The following MEIS3 variants were observed in gnomAD, a reference collection of about 807,000 sequenced individuals.
MEIS3 encodes Meis homeobox 3.
Under a neutral mutation model 51.4 loss-of-function variants are expected in MEIS3, and 38 were observed. That is an observed-to-expected ratio of 0.74 (90% CI 0.57 to 0.97). The LOEUF (loss-of-function observed/expected upper bound fraction) is 0.97. Among genes scored for constraint, MEIS3 ranks in the 50% least tolerant of loss-of-function variants. The probability of loss-of-function intolerance (pLI) is 0.00; values close to 1 mark genes in which losing one functional copy is unlikely to be tolerated. For missense variants in MEIS3, 456 were observed against 502.6 expected (o/e 0.91, Z 0.89); for synonymous variants, 198 against 201.8 (o/e 0.98, Z 0.16).
intron 6 of MEIS3, among the ~76,000 whole-genome samples, chr19:47,411,165 G>A (rs1473828331): frequency 6.6e-6 from 1 of 152,044 alleles, no homozygotes; most frequent in Non-Finnish European, 1.5e-5. Context: ...TCGAACTCCT[G>A]GGCTCAAGTG....
rs963842795 is a variant in MEIS3, at chr19:47,419,093, G to T, written c.-12C>A. 11 of 1,243,456 alleles carry T rather than the reference G, an allele frequency of 8.8e-6. No homozygotes were observed. Among genetic ancestry groups the T allele is most frequent in the Non-Finnish European group, 1.1e-5 (11 of 994,806 alleles). 77.0% of individuals were successfully genotyped at this position (1,243,456 alleles called of 1,614,324 possible). A position where few individuals can be genotyped will look rare whatever the true frequency, so the allele number is the denominator to read the frequency against. On this transcript the variant is annotated 5_prime_UTR_variant, in exon 1 of 13. Coordinates refer to ENST00000558555, the MANE Select transcript of MEIS3 (RefSeq NM_001301059.2). The stretch of plus-strand genomic sequence containing the variant: ...ACCCTCCGGGCCATGGGCTGAGGCC[G>T]GCGGCAGCTCCTGGGTCCCTCCAGA...
In MEIS3 at chr19:47,406,886, ACCCGGAGGCCGGAC is replaced by A; in HGVS notation, c.1066_1078+1del. 6.4e-7 allele frequency: 1 copy of A among 1,567,856 alleles called. No individual in the cohort carries two copies. The highest frequency in any genetic ancestry group is 8.6e-7 in the Non-Finnish European group (1 of 1,159,486). On this transcript the variant is annotated splice_donor_variant and coding_sequence_variant, in exon 11 of 13. Coordinates refer to ENST00000558555, the MANE Select transcript of MEIS3 (RefSeq NM_001301059.2). LOFTEE classifies it high-confidence loss of function. ...GGGCCTAGCTAAGGGGGCGAGGCTT[ACCCGGAGGCCGGAC>A]GGCCACGTGTGGCTGCGTCTCGGTA...
intron 12 of MEIS3, among the ~76,000 whole-genome samples, chr19:47,404,923 G>A (rs937839958): frequency 6.6e-6 from 1 of 152,236 alleles, no homozygotes; most frequent in African/African-American, 2.4e-5. Context: ...CCCAGCACAG[G>A]GCTGGGCACA....
chr19:47,415,527 A>AGC (rs1421158645), intron 4 of MEIS3, among the ~76,000 whole-genome samples: 1 of 148,746 alleles, frequency 6.7e-6, no homozygotes, highest in Non-Finnish European at 1.5e-5. Context: ...GGAGCAAAGG[A>AGC]TGGGAGAAGC....
chr19:47,404,114 G>A (rs1378143602), intron 12 of MEIS3, among the ~76,000 whole-genome samples: 2 of 152,110 alleles, frequency 1.3e-5, no homozygotes, highest in African/African-American at 4.8e-5. Flanking sequence ...TGAGGCCAGA[G>A]GATCGCTTAA....
chr19:47,417,369 A>C lies in MEIS3; in HGVS notation c.13-19T>G, dbSNP rs115826474. 768 of 1,612,944 alleles carry C rather than the reference A, an allele frequency of 4.8e-4. 9 individuals are homozygous for C. The African/African-American group carries it at 9.2e-3, about 19-fold the overall frequency. On this transcript the variant is annotated intron_variant, in intron 1 of 12. Transcript: ENST00000558555. ...CATCATACTGGGGGAAGGTGAGAAG[A>C]GAAGGGCGGAGCCCCAGGGAGGGGT...
upstream of MEIS3, among the ~76,000 whole-genome samples, chr19:47,420,938 A>ACT (rs1282443244): frequency 3.9e-4 from 33 of 83,614 alleles, no homozygotes; most frequent in African/African-American, 7.6e-4. Context: ...ACACACACAC[A>ACT]CACTCTCTCT....
At chr19:47,407,662 G>T in intron 8 of MEIS3, 1 of 1,072,714 alleles carries the variant, frequency 9.3e-7, no homozygotes, top group Non-Finnish European at 1.3e-6. Context: ...AGGTTAACTG[G>T]CCAGCTCTGA....
chr19:47,416,673 G>A lies in MEIS3; in HGVS notation c.375C>T (p.Ser125=). Residue 125 remains serine, a synonymous_variant, in exon 4 of 13, where the codon TCC becomes TCT. Transcript: ENST00000558555. ...TCACCAGATTGTCCAGTTCTGGGTT[G>A]GAGGAGAAGAGGGGCCTCTCAGAGC... ...QVRSERPLFS[S]NPELDNLMIQ... 6.4e-7 allele frequency: 1 copy of A among 1,554,912 alleles called. No individual in the cohort carries two copies. The highest frequency in any genetic ancestry group is 1.2e-5 in the South Asian group (1 of 84,796).
At position 47,419,024 on chromosome 19, in the gene MEIS3, G is replaced by A. The variant is rs547514591; in HGVS notation, c.12+46C>T. 274 of 1,231,080 alleles carry A rather than the reference G, an allele frequency of 2.2e-4. No individual in the cohort carries two copies. In the African/African-American group the frequency reaches 3.9e-3, roughly 17 times the overall value. 76.3% of individuals were successfully genotyped at this position (1,231,080 alleles called of 1,614,324 possible). ...GGAGAGTGGGGGATGCAGGGACAGG[G>A]GGTGCGGAAGCGGCCGGGACGCGGG... On this transcript the variant is annotated intron_variant, in intron 1 of 12. Coordinates refer to ENST00000558555, the MANE Select transcript of MEIS3 (RefSeq NM_001301059.2).
chr19:47,404,722 A>G (rs1225197734), intron 12 of MEIS3, among the ~76,000 whole-genome samples: 2 of 152,036 alleles, frequency 1.3e-5, no homozygotes, highest in African/African-American at 2.4e-5. Context: ...AGCCCTCTCT[A>G]AACACCTCCC....
chr19:47,420,936 A>ACTCTCTCTCT (rs1160473837), upstream of MEIS3, among the ~76,000 whole-genome samples: 11 of 93,982 alleles, frequency 1.2e-4, no homozygotes, highest in African/African-American at 6.0e-4. Flanking sequence ...ACACACACAC[A>ACTCTCTCTCT]CACACTCTCT....
At position 47,413,284 on chromosome 19, in the gene MEIS3, C is replaced by G. The variant is rs560623753; in HGVS notation, c.597+1433G>C. Among the ~76,000 whole-genome samples the G allele has an allele frequency of 4.6e-5, 7 of 151,738 alleles. No homozygotes were observed. The South Asian group carries it at 1.2e-3, about 27-fold the overall frequency. On this transcript the variant is annotated intron_variant, in intron 6 of 12. Coordinates refer to ENST00000558555, the MANE Select transcript of MEIS3 (RefSeq NM_001301059.2). ...CGTGGGCACCTGTAGTCCCAGCTAC[C>G]CGGGAGGCTGAGGCAGGGGAATAGC...
intron 6 of MEIS3, 143 bp from the exon 7 acceptor site, chr19:47,409,690 C>T (rs1057432256): frequency 1.8e-5 from 10 of 560,026 alleles, no homozygotes; most frequent in South Asian, 5.9e-5. Context: ...GGTGAAACCC[C>T]GTCTCTACTA....
Position 47,409,105 on chromosome 19 carries a change from G to C in MEIS3, c.852C>G (p.His284Gln). ...TNIMRAWLFQ[H>Q]LSHPYPSEEQ... ...TGGGCAGCAGGGCTCTCACCGAGAGGTGCTGGAACAACCAGGCTCGCATGA... is the reference window on the plus strand; with the variant it reads ...TGGGCAGCAGGGCTCTCACCGAGAGCTGCTGGAACAACCAGGCTCGCATGA... The change falls in exon 8 of 13, where the codon CAC (histidine) becomes CAG (glutamine). Residue 284 changes from histidine (H) to glutamine (Q), a missense_variant. His to Gln is a conservative substitution (Grantham distance 24, BLOSUM62 0). Transcript: ENST00000558555. The C allele has an allele frequency of 6.2e-7, 1 of 1,610,000 alleles. No individual in the cohort carries two copies. The highest frequency in any genetic ancestry group is 1.3e-5 in the African/African-American group (1 of 74,922).
intron 1 of MEIS3, chr19:47,418,778 A>T (rs1275653517): frequency 2.3e-5 from 7 of 305,364 alleles, no homozygotes; most frequent in Non-Finnish European, 3.5e-5. Context: ...AGGGGGACAG[A>T]GAGGCAGAAA....
At chr19:47,407,692 G>A (rs1970916714) in intron 8 of MEIS3, 11 of 778,478 alleles carry the variant, frequency 1.4e-5, no homozygotes, top group Non-Finnish European at 2.1e-5. Context: ...CTGTGTTGGG[G>A]GAGGGGGCTC....
At chr19:47,407,249 G>C in intron 9 of MEIS3, 103 bp downstream of exon 9, 1 of 1,489,518 alleles carries the variant, frequency 6.7e-7, no homozygotes, top group Non-Finnish European at 9.1e-7. Flanking sequence ...AGCGGGGCGA[G>C]CAGGGGCAGT....
chr19:47,406,189 G>C, intron 12 of MEIS3: 1 of 348,216 alleles, frequency 2.9e-6, no homozygotes, highest in Non-Finnish European at 5.3e-6. Flanking sequence ...GATGGATTGC[G>C]GGTGAATGAG....
Sources: allele counts gnomAD v4.1 joint callset (sites outside exome capture counted in the v4.1 genomes callset), GRCh38; gene constraint gnomAD v4.1.1; transcripts MANE v1.5; gene names NCBI Gene and HGNC (gene_info 2026-07-23, HGNC 2026-07-21).